Variants in LRRC7 observed in about 807,000 individuals in gnomAD.
LRRC7 encodes leucine-rich repeat-containing protein 7.
A neutral mutation model predicts 175.7 loss-of-function variants in LRRC7; 23 were observed. That is an observed-to-expected ratio of 0.13 (90% confidence interval 0.09 to 0.19). The LOEUF (loss-of-function observed/expected upper bound fraction) is 0.19. Ranked by LOEUF, LRRC7 falls within the 10% of genes least tolerant of loss-of-function variation. LRRC7 has a pLI of 1.00. For missense variants in LRRC7, 1,354 were observed against 1,904.7 expected, an observed-to-expected ratio of 0.71 and a Z score of 5.38; for synonymous variants, 685 against 680.9, an observed-to-expected ratio of 1.01 and a Z score of -0.09.
intron 7 of LRRC7, among the ~76,000 whole-genome samples, chr1:69,894,191 A>G (rs1645916299): frequency 6.6e-6 from 1 of 152,212 alleles, no homozygotes; most frequent in Non-Finnish European, 1.5e-5. Flanking sequence ...ACATGTATTA[A>G]TTCACATAGC....
intron 3 of LRRC7, among the ~76,000 whole-genome samples, chr1:69,786,155 T>C (rs948334464): frequency 2.6e-5 from 4 of 152,100 alleles, no homozygotes; most frequent in Non-Finnish European, 5.9e-5. Flanking sequence ...TAAAGTTGAG[T>C]TCCTTAGAGG....
chr1:69,981,909 C>T (rs1160906775), intron 9 of LRRC7, among the ~76,000 whole-genome samples: 1 of 152,164 alleles, frequency 6.6e-6, no homozygotes, highest in Admixed American at 6.5e-5. Flanking sequence ...CTACCATCCC[C>T]ATTTTATAGA....
At chr1:69,997,281 C>G (rs1655076730) in intron 11 of LRRC7, among the ~76,000 whole-genome samples, 1 of 152,176 alleles carries the variant, frequency 6.6e-6, no homozygotes, top group South Asian at 2.1e-4. Flanking sequence ...AGTTGCTTAT[C>G]AGCTGAAGGA....
intron 5 of LRRC7, 72 bp downstream of exon 5, chr1:69,825,898 A>G: frequency 1.1e-6 from 1 of 879,406 alleles, no homozygotes; most frequent in Non-Finnish European, 1.7e-6. Flanking sequence ...AATAGAGGAA[A>G]TGCACATCAT....
intron 4 of LRRC7, among the ~76,000 whole-genome samples, chr1:69,800,401 G>A (rs1569973303): frequency 6.6e-6 from 1 of 151,968 alleles, no homozygotes; most frequent in South Asian, 2.1e-4. Flanking sequence ...ATTTCTTTGG[G>A]TCATCTACAA....
chr1:69,764,614 T>G (rs1487458568), intron 3 of LRRC7, among the ~76,000 whole-genome samples: 4 of 151,974 alleles, frequency 2.6e-5, no homozygotes, highest in African/African-American at 7.2e-5. Context: ...GCATTGGTAT[T>G]TGGTTAGAAA....
intron 1 of LRRC7, among the ~76,000 whole-genome samples, chr1:69,628,943 C>T (rs1290660171): frequency 6.6e-6 from 1 of 152,036 alleles, no homozygotes; most frequent in Non-Finnish European, 1.5e-5. Flanking sequence ...TAGACACAGA[C>T]CTTACACCCT....
chr1:69,972,929 T>C (rs1373150658), intron 8 of LRRC7, among the ~76,000 whole-genome samples: 3 of 146,816 alleles, frequency 2.0e-5, no homozygotes, highest in Non-Finnish European at 4.5e-5. Flanking sequence ...TTTTTTAATA[T>C]ATATATTTAT....
chr1:69,618,273 A>G (rs898691783), intron 1 of LRRC7, among the ~76,000 whole-genome samples: 5 of 152,170 alleles, frequency 3.3e-5, no homozygotes, highest in African/African-American at 1.2e-4. Flanking sequence ...CATCTGGCTC[A>G]TGCAAGTATT....
intron 15 of LRRC7, chr1:70,020,769 G>T: frequency 4.2e-6 from 1 of 237,994 alleles, no homozygotes; most frequent in Non-Finnish European, 8.0e-6. Flanking sequence ...AAAATTTCCC[G>T]ATCCTGAGTA....
intron 3 of LRRC7, among the ~76,000 whole-genome samples, chr1:69,776,962 T>A (rs1208415874): frequency 6.6e-6 from 1 of 152,192 alleles, no homozygotes; most frequent in African/African-American, 2.4e-5. Flanking sequence ...TATGGTGAAT[T>A]TCCCATGGCC....
chr1:69,986,632 G>C (rs1167299887), intron 10 of LRRC7, among the ~76,000 whole-genome samples: 1 of 152,092 alleles, frequency 6.6e-6, no homozygotes, highest in African/African-American at 2.4e-5. Flanking sequence ...TTTAAAAATT[G>C]TTATATCTCC....
chr1:69,605,223 C>T (rs964799510), intron 1 of LRRC7, among the ~76,000 whole-genome samples: 12 of 152,062 alleles, frequency 7.9e-5, no homozygotes, highest in Non-Finnish European at 1.5e-4. Context: ...AAGGGGAGTC[C>T]CCCTACACAA....
At chr1:69,695,366 T>C (rs1432039413) in intron 2 of LRRC7, among the ~76,000 whole-genome samples, 1 of 152,074 alleles carries the variant, frequency 6.6e-6, no homozygotes, top group Non-Finnish European at 1.5e-5. Flanking sequence ...CAGCCTATCA[T>C]CAGATAAAGG....
chr1:69,910,695 G>A (rs954749052), intron 7 of LRRC7, among the ~76,000 whole-genome samples: 4 of 152,220 alleles, frequency 2.6e-5, no homozygotes, highest in African/African-American at 7.2e-5. Flanking sequence ...ATCTCCAGCT[G>A]CATGCTGGGA....
At chr1:69,840,397 A>G (rs1681593470) in intron 7 of LRRC7, among the ~76,000 whole-genome samples, 1 of 152,114 alleles carries the variant, frequency 6.6e-6, no homozygotes, top group Non-Finnish European at 1.5e-5. Flanking sequence ...ACATAGTTTT[A>G]GGAAAAACAA....
intron 1 of LRRC7, among the ~76,000 whole-genome samples, chr1:69,570,156 T>C (rs1329503434): frequency 6.6e-6 from 1 of 152,006 alleles, no homozygotes; most frequent in African/African-American, 2.4e-5. Context: ...AATAGAGATT[T>C]TTATAGCGTG....
At chr1:70,116,518 G>C (rs1665864722) in intron 26 of LRRC7, among the ~76,000 whole-genome samples, 1 of 139,222 alleles carries the variant, frequency 7.2e-6, no homozygotes, top group African/African-American at 2.7e-5. Flanking sequence ...CTGCACTCTA[G>C]CCTGGGCGAC....
intron 11 of LRRC7, among the ~76,000 whole-genome samples, chr1:69,999,539 G>T (rs1196446397): frequency 1.3e-5 from 2 of 152,138 alleles, no homozygotes; most frequent in Admixed American, 6.5e-5. Flanking sequence ...AGAAATCATT[G>T]CTTCAATTGG....
Sources: gnomAD v4.1 joint callset for allele counts (sites outside exome capture counted in the v4.1 genomes callset) on GRCh38, gnomAD v4.1.1 for gene constraint, MANE v1.5 for transcripts, NCBI Gene and HGNC (gene_info 2026-07-23, HGNC 2026-07-21) for gene names.